The following SULF1 variants were observed in gnomAD, a reference collection of about 807,000 sequenced individuals.
The protein encoded by SULF1 is extracellular sulfatase Sulf-1.
A neutral mutation model predicts 110.5 loss-of-function variants in SULF1; 46 were observed. That is an observed-to-expected ratio of 0.42 (90% CI 0.33 to 0.53). The LOEUF is 0.53. Ranked by LOEUF, SULF1 falls within the 20% of genes least tolerant of loss-of-function variation. The pLI is 0.12. For synonymous variants in SULF1, 371 were observed against 387.1 expected (o/e 0.96, Z 0.49); for missense variants, 941 against 1,094.2 (o/e 0.86, Z 1.98).
At chr8:69,494,783 G>C (rs1204442997) in intron 1 of SULF1, among the ~76,000 whole-genome samples, 1 of 151,976 alleles carries the variant, frequency 6.6e-6, no homozygotes, top group Non-Finnish European at 1.5e-5. Context: ...CGGTGACTGA[G>C]GCAAGAGGAT....
rs77863325 is a variant in SULF1, at chr8:69,637,014, C to T, written c.2285-1488C>T. 1.5e-3 allele frequency among the ~76,000 whole-genome samples: 228 copies of T among 152,182 alleles called. 1 individual carries two copies. The East Asian group carries it at 0.031, about 20-fold the overall frequency. On this transcript the variant is annotated intron_variant, in intron 19 of 22. Transcript: ENST00000402687. ...TCCAGCCACTGAGCTGTTCATCGCA[C>T]GTCACAATCTGATTAAGAAATGGTT...
intron 3 of SULF1, among the ~76,000 whole-genome samples, chr8:69,547,795 G>A (rs1467001631): frequency 6.6e-6 from 1 of 152,146 alleles, no homozygotes; most frequent in African/African-American, 2.4e-5. Flanking sequence ...GCCTGATGAA[G>A]TGCCTTATAC....
rs1813333206 is a variant in SULF1 at position 69,534,869 on chromosome 8, T to TA, written c.-133-28670_-133-28669insA. 7.8e-5 allele frequency among the ~76,000 whole-genome samples: 10 copies of TA among 128,566 alleles called. No individual in the cohort carries two copies. In the South Asian group the frequency reaches 1.9e-3, roughly 24 times the overall value. 84.3% of individuals were successfully genotyped at this position (128,566 alleles called of 152,430 possible). A position where few individuals can be genotyped will look rare whatever the true frequency, so the allele number is the denominator to read the frequency against. On this transcript the variant is annotated intron_variant, in intron 3 of 22. Transcript: ENST00000402687. Reference sequence around the variant, plus strand: ...TAATGAATTAATACTTAAAGGAAATTTAAAAAAAAAAAATTCAGCTAAGAG... The same window carrying TA: ...TAATGAATTAATACTTAAAGGAAATTATAAAAAAAAAAAATTCAGCTAAGAG...
At position 69,587,469 on chromosome 8, in the gene SULF1, T is replaced by C. The variant is rs565411202; in HGVS notation, c.564+961T>C. ...ATTAAGTCCAGCTCCTTTATACCCT[T>C]CAGAAAACAATGAATGCAAATGAAT... is the stretch of plus-strand genomic sequence containing the variant. On this transcript the variant is annotated intron_variant, in intron 7 of 22. Coordinates refer to ENST00000402687, the MANE Select transcript of SULF1 (RefSeq NM_001128205.2). Among the ~76,000 whole-genome samples the C allele has an allele frequency of 1.6e-4, 25 of 152,250 alleles. No homozygotes were observed. In the East Asian group the frequency reaches 4.3e-3, roughly 26 times the overall value.
At chr8:69,501,022 A>G in intron 2 of SULF1, among the ~76,000 whole-genome samples, 1 of 152,164 alleles carries the variant, frequency 6.6e-6, no homozygotes, top group East Asian at 1.9e-4. Context: ...GAGGGAAAAA[A>G]TCTGCACCCA....
rs1281122493 is a variant in SULF1, at chr8:69,659,816, T to C, written c.*1281T>C. 6.5e-6 allele frequency: 1 copy of C among 153,394 alleles called. No individual in the cohort carries two copies. Among genetic ancestry groups the C allele is most frequent in the East Asian group, 1.9e-4 (1 of 5,188 alleles). The allele number at this position is 153,394 out of a possible 1,614,324, so 9.5% of individuals were successfully genotyped here. The stretch of plus-strand genomic sequence containing the variant: ...TGCACTTTGAGATTAAAATGCCATG[T>C]CTATTTGATTAGTCTTATTTTTTTA... On this transcript the variant is annotated 3_prime_UTR_variant, in exon 23 of 23. Coordinates refer to ENST00000402687, the MANE Select transcript of SULF1 (RefSeq NM_001128205.2).
intron 3 of SULF1, among the ~76,000 whole-genome samples, chr8:69,532,343 G>A (rs1213136573): frequency 6.6e-6 from 1 of 151,928 alleles, no homozygotes; most frequent in Non-Finnish European, 1.5e-5. Flanking sequence ...AACCTCGAAA[G>A]AATTTTCAAT....
intron 3 of SULF1, among the ~76,000 whole-genome samples, chr8:69,541,161 C>T (rs992325597): frequency 1.3e-5 from 2 of 152,158 alleles, no homozygotes; most frequent in African/African-American, 4.8e-5. Context: ...TGTCTCCAGG[C>T]CTATATATTA....
rs114121858 is a variant in SULF1, at chr8:69,554,372, T to C, written c.-133-9167T>C. On this transcript the variant is annotated intron_variant, in intron 3 of 22. Coordinates refer to ENST00000402687, the MANE Select transcript of SULF1 (RefSeq NM_001128205.2). ...CATAATATGTGCCTTTTCAGGAAGATTTATTTTACATATAAGTAACACTTT... is the reference window on the plus strand; with the variant it reads ...CATAATATGTGCCTTTTCAGGAAGACTTATTTTACATATAAGTAACACTTT... Among the ~76,000 whole-genome samples, 606 of 145,666 alleles carry C rather than the reference T, an allele frequency of 4.2e-3. 2 individuals carry two copies. The highest frequency in any genetic ancestry group is 0.015 in the African/African-American group (585 of 38,626).
At chr8:69,526,949 T>C (rs1256226493) in intron 3 of SULF1, among the ~76,000 whole-genome samples, 2 of 152,144 alleles carry the variant, frequency 1.3e-5, no homozygotes, top group African/African-American at 4.8e-5. Context: ...AAGAGAAAGA[T>C]AGAAAAAATA....
chr8:69,626,698 G>A (rs1158226832), intron 15 of SULF1, among the ~76,000 whole-genome samples: 1 of 152,226 alleles, frequency 6.6e-6, no homozygotes, highest in Non-Finnish European at 1.5e-5. Context: ...TGGTACCTCC[G>A]CAGCCGCTGG....
rs866706870 is a variant in SULF1, at chr8:69,508,113, T to A, written c.-134+6145T>A. Among the ~76,000 whole-genome samples, 1,116 of 152,078 alleles carry A rather than the reference T, an allele frequency of 7.3e-3. 18 individuals carry two copies. Among genetic ancestry groups the A allele is most frequent in the African/African-American group, 0.026 (1,059 of 41,502 alleles). On this transcript the variant is annotated intron_variant, in intron 3 of 22. Coordinates refer to ENST00000402687, the MANE Select transcript of SULF1 (RefSeq NM_001128205.2). Reference sequence around the variant, plus strand: ...TTTTGAGAGAAGATAATTATTATTTTTTTTTTTTTGAGATGGAGTTTTGCT... The same window carrying A: ...TTTTGAGAGAAGATAATTATTATTTATTTTTTTTTGAGATGGAGTTTTGCT...
chr8:69,502,680 CTTTTTTTTTCTTTTTTT>C (rs1810892277), intron 3 of SULF1, among the ~76,000 whole-genome samples: 1 of 116,460 alleles, frequency 8.6e-6, no homozygotes, highest in East Asian at 2.2e-4. Context: ...TTTTCTTTTT[CTTTTTTTTTCTTTTTTT>C]TTTTTTTTGA....
chr8:69,645,596 C>A (rs1243958247), intron 22 of SULF1, among the ~76,000 whole-genome samples: 1 of 152,182 alleles, frequency 6.6e-6, no homozygotes, highest in African/African-American at 2.4e-5. Flanking sequence ...CCAACCCAAC[C>A]CTGAGAAATC....
At chr8:69,510,945 TAC>T (rs56386460) in intron 3 of SULF1, among the ~76,000 whole-genome samples, 2,975 of 141,100 alleles carry the variant, frequency 0.021, 40 homozygotes, top group East Asian at 0.034. Context: ...ATATCATCAT[TAC>T]ACACACACAC....
At position 69,538,932 on chromosome 8, in the gene SULF1, C is replaced by G. The variant is rs370835175; in HGVS notation, c.-133-24607C>G. Among the ~76,000 whole-genome samples, 4 of 152,338 alleles carry G rather than the reference C, an allele frequency of 2.6e-5. No homozygotes were observed. The East Asian group carries it at 7.7e-4, about 29-fold the overall frequency. ...GGTCTCGAACTGCTGACCTTGTGATCTGCCGGCTTCGGCCTCCCAAAGTGC... is the reference window on the plus strand; with the variant it reads ...GGTCTCGAACTGCTGACCTTGTGATGTGCCGGCTTCGGCCTCCCAAAGTGC... On this transcript the variant is annotated intron_variant, in intron 3 of 22. Transcript: ENST00000402687.
At chr8:69,598,672 G>A (rs1032962924) in intron 8 of SULF1, among the ~76,000 whole-genome samples, 5 of 152,194 alleles carry the variant, frequency 3.3e-5, no homozygotes, top group African/African-American at 7.2e-5. Context: ...GATTACAGGC[G>A]TGAGCCACCA....
rs750009705 is a variant in SULF1 at position 69,589,041 on chromosome 8, C to T, written c.634C>T (p.His212Tyr). ...YFKMSKRMYP[H>Y]RPVMMVISHA... Reference sequence around the variant, plus strand: ...CAAAATGTCTAAGAGAATGTATCCCCATAGGCCCGTTATGATGGTGATCAG... The same window carrying T: ...CAAAATGTCTAAGAGAATGTATCCCTATAGGCCCGTTATGATGGTGATCAG... Residue 212 changes from histidine to tyrosine, a missense_variant, in exon 8 of 23, where the codon CAT becomes TAT. Physicochemically the swap from His to Tyr is moderately conservative, Grantham distance 83. Transcript: ENST00000402687. 3 of 1,614,088 alleles carry T rather than the reference C, an allele frequency of 1.9e-6. No individual in the cohort carries two copies. Among genetic ancestry groups the T allele is most frequent in the Non-Finnish European group, 2.5e-6 (3 of 1,180,034 alleles).
chr8:69,524,464 G>A (rs547130664), intron 3 of SULF1, among the ~76,000 whole-genome samples: 1 of 152,172 alleles, frequency 6.6e-6, no homozygotes, highest in East Asian at 1.9e-4. Flanking sequence ...TCAATGACCA[G>A]GTCTTGCATG....
Sources: gnomAD v4.1 joint callset for allele counts (sites outside exome capture counted in the v4.1 genomes callset) on GRCh38, gnomAD v4.1.1 for gene constraint, MANE v1.5 for transcripts, NCBI Gene and HGNC (gene_info 2026-07-23, HGNC 2026-07-21) for gene names.